Variants in COL6A3 observed in about 807,000 individuals in gnomAD.
COL6A3 encodes the protein collagen alpha-3(VI) chain.
Under a neutral mutation model 274.1 loss-of-function variants are expected in COL6A3, and 137 were observed. That is an observed-to-expected ratio of 0.50 (90% CI 0.44 to 0.58). COL6A3 has a LOEUF of 0.58. Among genes scored for constraint, COL6A3 ranks in the 20% least tolerant of loss-of-function variants. The pLI is 0.00. For synonymous variants in COL6A3, 1,650 were observed against 1,650.6 expected, an observed-to-expected ratio of 1.00 and a Z score of 0.01; for missense variants, 3,950 against 4,124.9, an observed-to-expected ratio of 0.96 and a Z score of 1.16.
chr2:237,394,961 A>G lies in COL6A3; in HGVS notation c.335T>C (p.Ile112Thr), dbSNP rs375590099. 1.9e-5 allele frequency: 30 copies of G among 1,614,030 alleles called. No individual in the cohort carries two copies. The highest frequency in any genetic ancestry group is 2.4e-5 in the Non-Finnish European group (28 of 1,180,018). Residue 112 changes from isoleucine (I) to threonine (T), a missense_variant, in exon 3 of 44, where the codon ATT becomes ACT. By Grantham distance (89) the Ile-to-Thr change is moderately conservative. Around this residue, in one of 5 missense-constraint regions of COL6A3, gnomAD observed 1,934 missense variants for 1,984.3 expected, o/e 0.97. Coordinates refer to ENST00000295550, the MANE Select transcript of COL6A3 (RefSeq NM_004369.4). ...VLSHISNMSY[I>T]GGTNQTGKGL... ...TTTTCCAGTCTGATTGGTTCCCCCA[A>G]TATAAGACATGTTGGAAATATGAGA...
chr2:237,396,362 T>C (rs537208077), intron 2 of COL6A3, among the ~76,000 whole-genome samples: 26 of 152,322 alleles, frequency 1.7e-4, no homozygotes, highest in African/African-American at 5.5e-4. Context: ...CTCTCAATCA[T>C]TGACTTCTCC....
chr2:237,380,365 T>G (rs546981679), intron 5 of COL6A3, among the ~76,000 whole-genome samples: 1 of 152,376 alleles, frequency 6.6e-6, no homozygotes, highest in South Asian at 2.1e-4. Context: ...GCAATCATAT[T>G]AAATGAGGGA....
chr2:237,408,342 G>A (rs777815613), intron 1 of COL6A3, among the ~76,000 whole-genome samples: 9 of 152,276 alleles, frequency 5.9e-5, no homozygotes, highest in East Asian at 3.9e-4. Flanking sequence ...ATAGTCCTGC[G>A]ACTGCTCTCT....
intron 1 of COL6A3, among the ~76,000 whole-genome samples, chr2:237,398,181 G>A (rs966747495): frequency 1.3e-5 from 2 of 152,184 alleles, no homozygotes; most frequent in South Asian, 2.1e-4. Flanking sequence ...AGGAAAATCT[G>A]CCATATGCCA....
intron 24 of COL6A3, among the ~76,000 whole-genome samples, chr2:237,353,917 C>A (rs2077260673): frequency 6.6e-6 from 1 of 152,158 alleles, no homozygotes. Flanking sequence ...TCTCAGAACC[C>A]CAAAATCGCT....
rs754118665 is a variant in COL6A3, at chr2:237,344,833, C to T, written c.7185G>A (p.Glu2395=). The T allele has an allele frequency of 6.8e-6, 11 of 1,613,012 alleles. No homozygotes were observed. In the African/African-American group the frequency reaches 1.2e-4, roughly 18 times the overall value. The change falls in exon 36 of 44, where the codon GAG becomes GAA. Residue 2395 remains glutamate, a synonymous_variant. Transcript: ENST00000295550. This position sits in a 1 kb window ranked among gnomAD's most constrained non-coding sequence, Gnocchi z 4.8. ...CTAGTTCTGTTGGGAAGACGGGGCA[C>T]TCCAGGGGCCCTGTGGAAAGTAGAG... The part of the protein sequence containing the change: ...DKCPCCYGPL[E]CPVFPTELAF...
At position 237,394,674 on chromosome 2, in the gene COL6A3, C is replaced by A; in HGVS notation, c.622G>T (p.Asp208Tyr). 1 of 1,614,232 alleles carries A rather than the reference C, an allele frequency of 6.2e-7. No individual in the cohort carries two copies. ...FNLENFTSLH[D>Y]IVGNLVSCVH... is the part of the protein sequence containing the mutation. ...CAGGACACTAAGTTTCCTACTATGT[C>A]ATGAAGTGAGGTAAAATTCTCTAGG... The change falls in exon 3 of 44, where the codon GAC (aspartate) becomes TAC (tyrosine). Residue 208 changes from aspartate (D) to tyrosine (Y), a missense_variant. Physicochemically the swap from Asp to Tyr is radical, Grantham distance 160 (BLOSUM62 -3). Around this residue, in one of 5 missense-constraint regions of COL6A3, gnomAD observed 1,934 missense variants for 1,984.3 expected, o/e 0.97. Transcript: ENST00000295550.
chr2:237,374,081 G>A lies in COL6A3; in HGVS notation c.3679+331C>T, dbSNP rs1574708090. 1.3e-5 allele frequency among the ~76,000 whole-genome samples: 2 copies of A among 152,316 alleles called. No homozygotes were observed. The highest frequency in any genetic ancestry group is 2.1e-4 in the South Asian group (1 of 4,824). Reference sequence around the variant, plus strand: ...GTCGCAGGACTGATACGCAACAGGCGTTATCAGTTAGACGGCCCCTCCCTT... The same window carrying A: ...GTCGCAGGACTGATACGCAACAGGCATTATCAGTTAGACGGCCCCTCCCTT... On this transcript the variant is annotated intron_variant, in intron 8 of 43. Coordinates refer to ENST00000295550, the MANE Select transcript of COL6A3 (RefSeq NM_004369.4). The surrounding 1 kb of genome is among the most constrained non-coding windows in gnomAD (Gnocchi z 4.8).
chr2:237,335,076 T>C (rs1163988258), intron 40 of COL6A3, among the ~76,000 whole-genome samples, 187 bp from the exon 41 acceptor site: 1 of 152,320 alleles, frequency 6.6e-6, no homozygotes, highest in African/African-American at 2.4e-5. Context: ...TCAGCATACA[T>C]GAAATGTGAA....
At position 237,361,876 on chromosome 2, in the gene COL6A3, C is replaced by T; in HGVS notation, c.6064-45G>A. The T allele has an allele frequency of 6.5e-7, 1 of 1,546,304 alleles. No individual in the cohort carries two copies. The highest frequency in any genetic ancestry group is 8.9e-7 in the Non-Finnish European group (1 of 1,118,192). Reference sequence around the variant, plus strand: ...CCAAATGTTCAGATCTCAAGAAATGCCCAGCAGAAAATCATAAATGCGCTT... The same window carrying T: ...CCAAATGTTCAGATCTCAAGAAATGTCCAGCAGAAAATCATAAATGCGCTT... On this transcript the variant is annotated intron_variant, in intron 14 of 43. Transcript: ENST00000295550. The surrounding 1 kb of genome is among the most constrained non-coding windows in gnomAD (Gnocchi z 5.1).
At chr2:237,325,480 C>T in intron 43 of COL6A3, 80 bp downstream of exon 43, 1 of 1,449,586 alleles carries the variant, frequency 6.9e-7, no homozygotes, top group South Asian at 1.1e-5. Context: ...AATCATTGCA[C>T]TTCTAATATT....
rs375924639 is a variant in COL6A3, at chr2:237,378,988, C to A, written c.2145G>T (p.Ser715=). The A allele has an allele frequency of 7.3e-5, 118 of 1,614,010 alleles. No individual in the cohort carries two copies. Among genetic ancestry groups the A allele is most frequent in the Non-Finnish European group, 9.3e-5 (110 of 1,180,026 alleles). The change falls in exon 6 of 44, where the codon TCG becomes TCT. Residue 715 remains serine, a synonymous_variant. Transcript: ENST00000295550. ...TTAGGGCTGAGCCTGTGTTCAGGCC[C>A]GAACCTCCCTGGAGCTGCAGCTGCC... The part of the protein sequence containing the change: ...HLRQLQLQGG[S]GLNTGSALSY...
rs760154245 is a variant in COL6A3, at chr2:237,340,956, C to A, written c.7960G>T (p.Asp2654Tyr). Residue 2654 changes from aspartate (D) to tyrosine (Y), a missense_variant, in exon 38 of 44, where the codon GAT becomes TAT. Asp to Tyr is a radical substitution (Grantham distance 160, BLOSUM62 -3). Coordinates refer to ENST00000295550, the MANE Select transcript of COL6A3 (RefSeq NM_004369.4). Reference protein sequence around the residue: ...YLVRQLDMSPDPKASQHFARV... With the variant: ...YLVRQLDMSPYPKASQHFARV... ...GCGAAGTGCTGGGAGGCCTTGGGATCTGGGCTCATGTCCAGTTGTCTGACC... is the reference window on the plus strand; with the variant it reads ...GCGAAGTGCTGGGAGGCCTTGGGATATGGGCTCATGTCCAGTTGTCTGACC... 1.9e-6 allele frequency: 3 copies of A among 1,614,084 alleles called. No homozygotes were observed. The highest frequency in any genetic ancestry group is 2.5e-6 in the Non-Finnish European group (3 of 1,179,972).
In COL6A3 at chr2:237,342,013, T is replaced by C. The variant is rs377202620; in HGVS notation, c.7765+52A>G. ...TATTCTCTCACTCTCCCATGGATAT[T>C]ATGTTTTGCAATTGCAGCTGAGCAG... On this transcript the variant is annotated intron_variant, in intron 37 of 43. Transcript: ENST00000295550. 213 of 1,423,026 alleles carry C rather than the reference T, an allele frequency of 1.5e-4. 1 individual carries two copies. Among genetic ancestry groups the C allele is most frequent in the Non-Finnish European group, 2.0e-4 (206 of 1,009,248 alleles). The allele number at this position is 1,423,026 out of a possible 1,614,324, so 88.1% of individuals were successfully genotyped here. A position where few individuals can be genotyped will look rare whatever the true frequency, so the allele number is the denominator to read the frequency against.
At chr2:237,330,622 C>G (rs1014175330) in intron 42 of COL6A3, among the ~76,000 whole-genome samples, 7 of 152,130 alleles carry the variant, frequency 4.6e-5, no homozygotes, top group African/African-American at 1.7e-4. Context: ...ACAGAATCAA[C>G]CTTCATCTCA....
At position 237,360,090 on chromosome 2, in the gene COL6A3, T is replaced by C; in HGVS notation, c.6280A>G (p.Lys2094Glu). ...CAACCCCATCACCCACGCCTCACCT[T>C]TACTCCTCTCTGGCCCGGGCAGCCC... Reference protein sequence around the residue: ...FQGCPGQRGVKGSRGFPGEKG... With the variant: ...FQGCPGQRGVEGSRGFPGEKG... The change falls in exon 17 of 44, where the codon AAG becomes GAG. Residue 2094 changes from lysine to glutamate, a missense_variant and splice_region_variant. This residue lies in a region of COL6A3 where 92 missense variants were observed against 143.4 expected (regional missense o/e 0.64). Transcript: ENST00000295550. The C allele has an allele frequency of 1.2e-6, 2 of 1,614,006 alleles. No homozygotes were observed. Among genetic ancestry groups the C allele is most frequent in the South Asian group, 1.1e-5 (1 of 91,062 alleles).
chr2:237,349,506 T>C (rs534095241), intron 28 of COL6A3, among the ~76,000 whole-genome samples: 4 of 152,358 alleles, frequency 2.6e-5, no homozygotes, highest in African/African-American at 7.2e-5. Context: ...GAAAAATATT[T>C]TGATGCTTGG....
In COL6A3 at chr2:237,374,338, C is replaced by T. The variant is rs1007009195; in HGVS notation, c.3679+74G>A. ...GCAGGAAAAGCAAAATTGAGAACACCTTGTGGCCCACAGTCCAGACAAGTA... is the reference window on the plus strand; with the variant it reads ...GCAGGAAAAGCAAAATTGAGAACACTTTGTGGCCCACAGTCCAGACAAGTA... On this transcript the variant is annotated intron_variant, in intron 8 of 43. Transcript: ENST00000295550. This position sits in a 1 kb window ranked among gnomAD's most constrained non-coding sequence, Gnocchi z 4.8. 12 of 1,594,632 alleles carry T rather than the reference C, an allele frequency of 7.5e-6. No individual in the cohort carries two copies. The highest frequency in any genetic ancestry group is 5.3e-5 in the African/African-American group (4 of 74,790).
chr2:237,401,665 C>T (rs945734237), intron 1 of COL6A3, among the ~76,000 whole-genome samples: 1 of 151,466 alleles, frequency 6.6e-6, no homozygotes, highest in Non-Finnish European at 1.5e-5. Flanking sequence ...GGACTTTGCA[C>T]TGTTATTACA....
Sources: allele counts gnomAD v4.1 joint callset (sites outside exome capture counted in the v4.1 genomes callset), GRCh38; gene constraint gnomAD v4.1.1; regional missense constraint gnomAD v4.1.1; non-coding constraint Gnocchi (gnomAD v3.1); transcripts MANE v1.5; gene names NCBI Gene and HGNC (gene_info 2026-07-23, HGNC 2026-07-21).